The following MBD5 variants were observed in gnomAD, a reference collection of about 807,000 sequenced individuals.
The protein encoded by MBD5 is methyl-CpG-binding domain protein 5.
In MBD5, 13 loss-of-function variants were observed where a neutral mutation model predicts 117.3. The observed-to-expected ratio is 0.11, with a 90% CI of 0.07 to 0.18. The LOEUF (loss-of-function observed/expected upper bound fraction) is 0.18, where lower values mean the gene tolerates loss of function less well. Among genes scored for constraint, MBD5 ranks in the 10% least tolerant of loss-of-function variants. The probability of loss-of-function intolerance (pLI) is 1.00; values close to 1 mark genes in which losing one functional copy is unlikely to be tolerated. For missense variants in MBD5, 1,879 were observed against 2,093.8 expected (o/e 0.90, Z 2.00); for synonymous variants, 727 against 766.4 (o/e 0.95, Z 0.85).
intron 4 of MBD5, among the ~76,000 whole-genome samples, chr2:148,384,658 A>G (rs1179304498): frequency 2.0e-5 from 3 of 152,084 alleles, no homozygotes; most frequent in African/African-American, 7.2e-5. Flanking sequence ...TGCCAAGTCA[A>G]TCCTAAGCCA....
chr2:148,122,431 T>C (rs1053913964), intron 1 of MBD5, among the ~76,000 whole-genome samples: 1 of 152,214 alleles, frequency 6.6e-6, no homozygotes, highest in African/African-American at 2.4e-5. Flanking sequence ...TCTTAATAGA[T>C]GGACTAGAGT....
intron 1 of MBD5, chr2:148,025,133 A>G (rs1174480873): frequency 1.3e-5 from 2 of 152,154 alleles, no homozygotes; most frequent in Non-Finnish European, 2.9e-5. Context: ...CGATTCATTA[A>G]ACATCTTTTG....
intron 1 of MBD5, among the ~76,000 whole-genome samples, chr2:148,151,592 A>G (rs146289344): frequency 0.43 from 65,094 of 151,812 alleles, 14,044 homozygotes; most frequent in Middle Eastern, 0.55. Context: ...TGGTTGGTAA[A>G]CTATTGATTA....
intron 1 of MBD5, among the ~76,000 whole-genome samples, chr2:148,102,343 A>C (rs1018140199): frequency 2.0e-5 from 3 of 152,182 alleles, no homozygotes; most frequent in Non-Finnish European, 4.4e-5. Context: ...GGTAGTGTCC[A>C]CTGTTTCTGT....
At chr2:148,327,917 C>T (rs1283163736) in intron 3 of MBD5, among the ~76,000 whole-genome samples, 1 of 152,144 alleles carries the variant, frequency 6.6e-6, no homozygotes, top group Admixed American at 6.5e-5. Context: ...GAGAGGCGCT[C>T]TGCTTTTTAG....
At chr2:148,362,209 CAG>C (rs1317552495) in intron 4 of MBD5, among the ~76,000 whole-genome samples, 1 of 152,170 alleles carries the variant, frequency 6.6e-6, no homozygotes. Flanking sequence ...CCCAGCCCCA[CAG>C]AGCGCAGCAA....
intron 1 of MBD5, among the ~76,000 whole-genome samples, chr2:148,174,782 C>CA (rs55950137): frequency 6.5e-4 from 96 of 147,336 alleles, no homozygotes; most frequent in African/African-American, 1.1e-3. Flanking sequence ...TGACCATTAC[C>CA]AAAAAAAAAA....
At chr2:148,096,709 A>T (rs1306940861) in intron 1 of MBD5, among the ~76,000 whole-genome samples, 14 of 152,168 alleles carry the variant, frequency 9.2e-5, no homozygotes, top group Admixed American at 9.2e-4. Context: ...GTTTCTTTTA[A>T]TTGTACTGTC....
intron 1 of MBD5, among the ~76,000 whole-genome samples, chr2:148,045,066 CATTA>C (rs1053577125): frequency 4.6e-5 from 7 of 152,130 alleles, no homozygotes. Flanking sequence ...ACAAATACAT[CATTA>C]TGTCTCTGTA....
chr2:148,375,376 A>G (rs757987736), intron 4 of MBD5, among the ~76,000 whole-genome samples: 69 of 152,214 alleles, frequency 4.5e-4, no homozygotes, highest in Non-Finnish European at 8.8e-4. Context: ...TTGTCTAATC[A>G]GTAATGTTGT....
chr2:148,310,416 T>C (rs945863742), intron 3 of MBD5, among the ~76,000 whole-genome samples: 11 of 152,200 alleles, frequency 7.2e-5, no homozygotes, highest in Non-Finnish European at 1.0e-4. Flanking sequence ...TTCTACATTT[T>C]CTAGTTTATT....
At chr2:148,474,010 C>A (rs1042045928) in intron 8 of MBD5, among the ~76,000 whole-genome samples, 2 of 152,200 alleles carry the variant, frequency 1.3e-5, no homozygotes, top group Non-Finnish European at 2.9e-5. Context: ...TCTGTTGGAT[C>A]TGGCAGCCAA....
At chr2:148,155,661 T>C (rs1697855571) in intron 1 of MBD5, among the ~76,000 whole-genome samples, 1 of 152,218 alleles carries the variant, frequency 6.6e-6, no homozygotes, top group South Asian at 2.1e-4. Context: ...TCACATGCCG[T>C]ATTCAACACT....
intron 3 of MBD5, among the ~76,000 whole-genome samples, chr2:148,286,291 G>A (rs1701367566): frequency 6.6e-6 from 1 of 152,010 alleles, no homozygotes; most frequent in African/African-American, 2.4e-5. Context: ...TCATATTCAT[G>A]TGTCATTTGA....
Position 148,485,725 on chromosome 2 carries a change from T to C in MBD5, c.3545-17T>C. 4 of 1,564,398 alleles carry C rather than the reference T, an allele frequency of 2.6e-6. No homozygotes were observed. Among genetic ancestry groups the C allele is most frequent in the Non-Finnish European group, 3.5e-6 (4 of 1,141,040 alleles). On this transcript the variant is annotated splice_polypyrimidine_tract_variant and intron_variant, in intron 9 of 13. Coordinates refer to ENST00000642680, the MANE Select transcript of MBD5 (RefSeq NM_001378120.1). ...AAGAATCACATTTATTTATATTTTA[T>C]GTTTTTCAAACTGTAGGTGATATGT...
At chr2:148,480,058 T>C (rs1681102176) in intron 8 of MBD5, among the ~76,000 whole-genome samples, 1 of 152,056 alleles carries the variant, frequency 6.6e-6, no homozygotes. Context: ...TTTTAAAATT[T>C]TTATTTTCAT....
At position 148,177,813 on chromosome 2, in the gene MBD5, C is replaced by T. The variant is rs561133600; in HGVS notation, c.-924-887C>T. Among the ~76,000 whole-genome samples, 4 of 152,222 alleles carry T rather than the reference C, an allele frequency of 2.6e-5. No individual in the cohort carries two copies. The East Asian group carries it at 7.7e-4, about 29-fold the overall frequency. ...TGATTGTACAGCTGCAACTGAAAAA[C>T]CGACATCTGCACTAATGACCAAAAG... On this transcript the variant is annotated intron_variant, in intron 1 of 13. Transcript: ENST00000642680.
At chr2:148,200,429 T>A (rs570606026) in intron 2 of MBD5, among the ~76,000 whole-genome samples, 6 of 152,278 alleles carry the variant, frequency 3.9e-5, no homozygotes, top group African/African-American at 1.4e-4. Context: ...CGGTGGCTCA[T>A]GCCTGTAATC....
At chr2:148,478,985 C>G (rs1681058454) in intron 8 of MBD5, among the ~76,000 whole-genome samples, 2 of 152,102 alleles carry the variant, frequency 1.3e-5, no homozygotes, top group South Asian at 4.1e-4. Context: ...AACATTTTTC[C>G]CCACGGTTTA....
Sources: allele counts gnomAD v4.1 joint callset (sites outside exome capture counted in the v4.1 genomes callset), GRCh38; gene constraint gnomAD v4.1.1; transcripts MANE v1.5; gene names NCBI Gene and HGNC (gene_info 2026-07-23, HGNC 2026-07-21).